The following FAM171B variants were observed in gnomAD, a reference collection of about 807,000 sequenced individuals.
FAM171B encodes family with sequence similarity 171 member B.
Under a neutral mutation model 75.6 loss-of-function variants are expected in FAM171B, and 19 were observed. The ratio of observed to expected loss-of-function variants is 0.25; its 90% CI spans 0.18 to 0.37. FAM171B has a LOEUF of 0.37. Ranked by LOEUF, FAM171B falls within the 10% of genes least tolerant of loss-of-function variation. FAM171B has a pLI of 1.00. For synonymous variants in FAM171B, 367 were observed against 361.7 expected (o/e 1.01, Z -0.17); for missense variants, 848 against 982.4 (o/e 0.86, Z 1.83).
rs140818340 is a variant in FAM171B at position 186,700,392 on chromosome 2, G to A, written c.238+5981G>A. Among the ~76,000 whole-genome samples, 6 of 152,030 alleles carry A rather than the reference G, an allele frequency of 3.9e-5. No homozygotes were observed. The East Asian group carries it at 9.7e-4, about 25-fold the overall frequency. ...TATCACCTTAGAAAGTTTCTTCATA[G>A]CCCCTTCCCAGGCAATTCCTGTCCC... On this transcript the variant is annotated intron_variant, in intron 1 of 7. Transcript: ENST00000304698.
At chr2:186,718,109 T>A (rs1251012510) in intron 1 of FAM171B, among the ~76,000 whole-genome samples, 6 of 152,244 alleles carry the variant, frequency 3.9e-5, no homozygotes, top group Admixed American at 6.5e-5. Context: ...TGCTTTTGCT[T>A]CTGATCCTCC....
At chr2:186,743,830 C>G (rs1294859859) in intron 3 of FAM171B, among the ~76,000 whole-genome samples, 1 of 151,912 alleles carries the variant, frequency 6.6e-6, no homozygotes, top group Non-Finnish European at 1.5e-5. Flanking sequence ...AACTTCTGTT[C>G]TTCTTTCCAA....
chr2:186,732,262 G>A (rs1324714851), intron 1 of FAM171B, among the ~76,000 whole-genome samples: 1 of 151,976 alleles, frequency 6.6e-6, no homozygotes, highest in South Asian at 2.1e-4. Flanking sequence ...ATGGCCAGGG[G>A]GTGCTTTTTC....
At chr2:186,746,287 C>G in intron 3 of FAM171B, among the ~76,000 whole-genome samples, 1 of 152,084 alleles carries the variant, frequency 6.6e-6, no homozygotes, top group Admixed American at 6.5e-5. Context: ...AATTGAGTAC[C>G]TGGCATTTGA....
rs1690645848 is a variant in FAM171B at position 186,763,003 on chromosome 2, G to A, written c.*180G>A. 1 of 699,464 alleles carries A rather than the reference G, an allele frequency of 1.4e-6. No individual in the cohort carries two copies. Among genetic ancestry groups the A allele is most frequent in the African/African-American group, 1.8e-5 (1 of 55,228 alleles). 43.3% of individuals were successfully genotyped at this position (699,464 alleles called of 1,614,324 possible). A position where few individuals can be genotyped will look rare whatever the true frequency, so the allele number is the denominator to read the frequency against. ...AAGATACCAAGGAATGCTTTTTCTG[G>A]CCTATTCATTTATTTTTGGGTGATG... On this transcript the variant is annotated 3_prime_UTR_variant, in exon 8 of 8. Coordinates refer to ENST00000304698, the MANE Select transcript of FAM171B (RefSeq NM_177454.4).
At chr2:186,732,743 G>T (rs1296184879) in intron 1 of FAM171B, among the ~76,000 whole-genome samples, 1 of 152,216 alleles carries the variant, frequency 6.6e-6, no homozygotes, top group Non-Finnish European at 1.5e-5. Context: ...GCGGCTGCAT[G>T]TGCAGTGTGT....
intron 1 of FAM171B, among the ~76,000 whole-genome samples, chr2:186,719,261 G>A (rs1206828361): frequency 2.0e-5 from 3 of 152,146 alleles, no homozygotes; most frequent in Admixed American, 1.3e-4. Context: ...AAGACATGCC[G>A]AAGCTTGTAT....
intron 1 of FAM171B, among the ~76,000 whole-genome samples, chr2:186,719,943 GA>G (rs1279738329): frequency 1.3e-5 from 2 of 152,178 alleles, no homozygotes; most frequent in African/African-American, 4.8e-5. Context: ...ATAACCCATA[GA>G]ATTTTCTTAA....
chr2:186,762,482 C>T lies in FAM171B; in HGVS notation c.2140C>T (p.Leu714Phe), dbSNP rs1194639067. 1 of 1,613,552 alleles carries T rather than the reference C, an allele frequency of 6.2e-7. No homozygotes were observed. Among genetic ancestry groups the T allele is most frequent in the South Asian group, 1.1e-5 (1 of 91,084 alleles). ...SLDSGVDMNE[L>F]HSSRKLEREK... ...GGACTCTGGGGTGGACATGAATGAG[C>T]TTCACTCAAGTAGAAAGCTCGAGAG... Residue 714 changes from leucine (L) to phenylalanine (F), a missense_variant, in exon 8 of 8, where the codon CTT becomes TTT. Leu to Phe is a conservative substitution (Grantham distance 22, BLOSUM62 0). Around this residue, in one of 3 missense-constraint regions of FAM171B, gnomAD observed 136 missense variants for 159.3 expected, o/e 0.85. Transcript: ENST00000304698. The surrounding 1 kb of genome is among the most constrained non-coding windows in gnomAD (Gnocchi z 4.0).
At position 186,694,380 on chromosome 2, in the gene FAM171B, G is replaced by T. The variant is rs751984007; in HGVS notation, c.207G>T (p.Val69=). 7.4e-6 allele frequency: 12 copies of T among 1,612,566 alleles called. No homozygotes were observed. The East Asian group carries it at 1.1e-4, about 15-fold the overall frequency. ...LEEAEEERTE[V]PGATSTLTVP... The stretch of plus-strand genomic sequence containing the variant: ...AGGCTGAGGAGGAGAGGACAGAGGT[G>T]CCTGGGGCAACCTCCACCTTGACGG... Residue 69 remains valine (V), a synonymous_variant, in exon 1 of 8, where the codon GTG becomes GTT. Transcript: ENST00000304698.
intron 2 of FAM171B, among the ~76,000 whole-genome samples, chr2:186,741,157 T>C (rs1375238198): frequency 6.6e-6 from 1 of 152,110 alleles, no homozygotes; most frequent in Non-Finnish European, 1.5e-5. Flanking sequence ...TGAGAAAAGG[T>C]TGAATAGTCA....
At chr2:186,746,684 G>A (rs1487470235) in intron 3 of FAM171B, among the ~76,000 whole-genome samples, 3 of 152,176 alleles carry the variant, frequency 2.0e-5, no homozygotes, top group Non-Finnish European at 2.9e-5. Flanking sequence ...CTCATTAACT[G>A]TGCTTGGGAC....
At chr2:186,761,441 T>A in intron 7 of FAM171B, 38 bp from the exon 8 acceptor site, 1 of 1,525,328 alleles carries the variant, frequency 6.6e-7, no homozygotes, top group Non-Finnish European at 8.7e-7. Flanking sequence ...ATTTGTGTCA[T>A]AACTTTTAAA....
In FAM171B at chr2:186,764,002, A is replaced by C. The variant is rs1259529602; in HGVS notation, c.*1179A>C. The C allele has an allele frequency of 6.6e-6, 1 of 152,066 alleles. No homozygotes were observed. The highest frequency in any genetic ancestry group is 2.4e-5 in the African/African-American group (1 of 41,438). 9.4% of individuals were successfully genotyped at this position (152,066 alleles called of 1,614,324 possible). A position where few individuals can be genotyped will look rare whatever the true frequency, so the allele number is the denominator to read the frequency against. On this transcript the variant is annotated 3_prime_UTR_variant, in exon 8 of 8. Transcript: ENST00000304698. ...ACTTCTTTTTTCAGTTTTGTAAGTA[A>C]TATATCTATGTTCTTTTCATTATAG...
intron 1 of FAM171B, among the ~76,000 whole-genome samples, chr2:186,694,748 A>AACACACACACACACACAC (rs57171143): frequency 3.7e-5 from 5 of 133,382 alleles, no homozygotes; most frequent in East Asian, 2.1e-4. Flanking sequence ...GAATGACTGT[A>AACACACACACACACACAC]ACACACACAC....
intron 6 of FAM171B, among the ~76,000 whole-genome samples, chr2:186,755,162 A>G (rs1473623652): frequency 6.6e-6 from 1 of 152,180 alleles, no homozygotes; most frequent in East Asian, 1.9e-4. Context: ...TTTTGAAAAA[A>G]GAAAAATTCT....
intron 1 of FAM171B, among the ~76,000 whole-genome samples, chr2:186,699,430 A>G (rs998633399): frequency 6.6e-6 from 1 of 152,154 alleles, no homozygotes; most frequent in African/African-American, 2.4e-5. Context: ...TTTTCTTTTG[A>G]GAAATATCTA....
rs768893175 is a variant in FAM171B, at chr2:186,694,198, C to T, written c.25C>T (p.Pro9Ser). The T allele has an allele frequency of 2.2e-5, 36 of 1,605,532 alleles. No individual in the cohort carries two copies. The African/African-American group carries it at 3.9e-4, about 17-fold the overall frequency. Residue 9 changes from proline to serine, a missense_variant, in exon 1 of 8, where the codon CCC becomes TCC. By Grantham distance (74) the Pro-to-Ser change is moderately conservative. Around this residue, in one of 3 missense-constraint regions of FAM171B, gnomAD observed 665 missense variants for 729.0 expected, o/e 0.91. Transcript: ENST00000304698. MARLCRRVPCTLLLGLAVV... is the reference protein window; with the variant it reads MARLCRRVSCTLLLGLAVV... ...CATGGCGAGGCTCTGCCGGCGTGTC[C>T]CCTGCACCCTGCTTCTCGGCCTGGC...
intron 1 of FAM171B, among the ~76,000 whole-genome samples, chr2:186,737,932 G>A (rs1170719199): frequency 6.6e-6 from 1 of 152,216 alleles, no homozygotes; most frequent in Non-Finnish European, 1.5e-5. Flanking sequence ...AGCAGGCTGT[G>A]CTCGGCTCGC....
Sources: gnomAD v4.1 joint callset for allele counts (sites outside exome capture counted in the v4.1 genomes callset) on GRCh38, gnomAD v4.1.1 for gene constraint, gnomAD v4.1.1 regional missense constraint, Gnocchi (gnomAD v3.1) non-coding constraint, MANE v1.5 for transcripts, NCBI Gene and HGNC (gene_info 2026-07-23, HGNC 2026-07-21) for gene names.